Variants in SLC30A10 observed in about 807,000 individuals in gnomAD.
SLC30A10 encodes calcium/manganese antiporter SLC30A10.
A neutral mutation model predicts 21.7 loss-of-function variants in SLC30A10; 8 were observed. That is an observed-to-expected ratio of 0.37 (90% CI 0.22 to 0.67). SLC30A10 has a LOEUF of 0.67. Among genes scored for constraint, SLC30A10 ranks in the 30% least tolerant of loss-of-function variants. SLC30A10 has a pLI of 0.58. For synonymous variants in SLC30A10, 272 were observed against 279.4 expected (o/e 0.97, Z 0.26); for missense variants, 521 against 642.5 (o/e 0.81, Z 2.04).
intron 1 of SLC30A10, among the ~76,000 whole-genome samples, chr1:219,944,529 T>C (rs986702182): frequency 6.6e-6 from 1 of 152,160 alleles, no homozygotes; most frequent in Non-Finnish European, 1.5e-5. Context: ...GGAAAGAAAG[T>C]ATTTTATCTG....
intron 3 of SLC30A10, among the ~76,000 whole-genome samples, chr1:219,916,230 T>G (rs1038618448): frequency 6.6e-6 from 1 of 152,202 alleles, no homozygotes; most frequent in Admixed American, 6.5e-5. Context: ...GACACTTGAA[T>G]GAACTTCCCA....
At chr1:219,937,817 A>AG (rs1475457641) in intron 1 of SLC30A10, among the ~76,000 whole-genome samples, 1 of 152,154 alleles carries the variant, frequency 6.6e-6, no homozygotes, top group East Asian at 1.9e-4. Context: ...GTCTCAAAAA[A>AG]CTAGAATAAT....
intron 3 of SLC30A10, among the ~76,000 whole-genome samples, chr1:219,916,708 T>A (rs1158581080): frequency 6.6e-6 from 1 of 152,190 alleles, no homozygotes; most frequent in Non-Finnish European, 1.5e-5. Context: ...TGGTATTCAG[T>A]GCTGATTTGA....
chr1:219,919,901 T>G (rs1035805369), intron 2 of SLC30A10, among the ~76,000 whole-genome samples: 1 of 152,162 alleles, frequency 6.6e-6, no homozygotes, highest in Admixed American at 6.5e-5. Flanking sequence ...TCCACAGACT[T>G]ATGCAGTAGA....
At chr1:219,927,673 A>G in intron 1 of SLC30A10, 128 bp downstream of exon 1, 1 of 570,292 alleles carries the variant, frequency 1.8e-6, no homozygotes, top group Non-Finnish European at 2.3e-6. Context: ...AAAAAACAAC[A>G]ACAACAAAAA....
At chr1:219,944,508 G>A (rs2647442) in intron 1 of SLC30A10, among the ~76,000 whole-genome samples, 51,425 of 152,004 alleles carry the variant, frequency 0.34, 9,146 homozygotes, top group Non-Finnish European at 0.4. Context: ...AGCAGAAATG[G>A]GGAAGACAGA....
intron 2 of SLC30A10, among the ~76,000 whole-genome samples, chr1:219,924,808 T>C: frequency 6.6e-6 from 1 of 152,296 alleles, no homozygotes; most frequent in African/African-American, 2.4e-5. Flanking sequence ...ACTTTATATG[T>C]TTCATTTATT....
chr1:219,934,507 C>T lies in SLC30A10; in HGVS notation n.81-7402G>A, dbSNP rs577464079. Reference sequence around the variant, plus strand: ...AAGCATAGTTTGAAAGACAATAGTTCCACATATACAAAATATAGGAACCAA... The same window carrying T: ...AAGCATAGTTTGAAAGACAATAGTTTCACATATACAAAATATAGGAACCAA... On this transcript the variant is annotated intron_variant and non_coding_transcript_variant, in intron 1 of 8. Transcript: ENST00000484239. Among the ~76,000 whole-genome samples, 107 of 151,962 alleles carry T rather than the reference C, an allele frequency of 7.0e-4. No homozygotes were observed. The Middle Eastern group carries it at 0.017, about 24-fold the overall frequency.
chr1:219,915,415 C>T lies in SLC30A10; in HGVS notation c.*34G>A, dbSNP rs1415234662. ...AGCCAAGCTTGTGGTTCCAAAGTGC[C>T]TCGTCTATATGGTCTGATTATGTGA... On this transcript the variant is annotated 3_prime_UTR_variant, in exon 4 of 4. Transcript: ENST00000366926. 6.3e-7 allele frequency: 1 copy of T among 1,581,720 alleles called. No individual in the cohort carries two copies.
chr1:219,943,827 C>T (rs575037404), intron 1 of SLC30A10, among the ~76,000 whole-genome samples: 14 of 152,246 alleles, frequency 9.2e-5, no homozygotes, highest in East Asian at 5.8e-4. Context: ...AGGCCAGGCG[C>T]GGTGGCTCAC....
intron 2 of SLC30A10, among the ~76,000 whole-genome samples, chr1:219,922,176 GTTTTTTTTTT>G (rs869249213): frequency 0.066 from 2,397 of 36,460 alleles, 483 homozygotes; most frequent in South Asian, 0.1. Context: ...GTGTGTGTGT[GTTTTTTTTTT>G]TTTTTTTTTT....
chr1:219,935,533 G>A lies in SLC30A10; in HGVS notation n.81-8428C>T, dbSNP rs576941298. On this transcript the variant is annotated intron_variant and non_coding_transcript_variant, in intron 1 of 8. Transcript: ENST00000484239. ...CTAAAATCCAATCTTGCTTCTGTCA[G>A]CTCTTCGCAAGTGAGCAAGTCACTC... 2.0e-5 allele frequency among the ~76,000 whole-genome samples: 3 copies of A among 152,328 alleles called. No homozygotes were observed. The South Asian group carries it at 6.2e-4, about 32-fold the overall frequency.
chr1:219,916,682 T>C (rs1659551870), intron 3 of SLC30A10, among the ~76,000 whole-genome samples: 1 of 152,148 alleles, frequency 6.6e-6, no homozygotes, highest in African/African-American at 2.4e-5. Flanking sequence ...CCAAAATGAG[T>C]ATGTATTTAG....
chr1:219,918,562 G>A lies in SLC30A10; in HGVS notation c.719-68C>T, dbSNP rs746861011. The stretch of plus-strand genomic sequence containing the variant: ...AAGCCACGTGACACTCACTGACTTG[G>A]GTGTCCGGGTATATGAATATCTGTT... On this transcript the variant is annotated intron_variant, in intron 2 of 3. Transcript: ENST00000366926. This position sits in a 1 kb window ranked among gnomAD's most constrained non-coding sequence, Gnocchi z 4.4. 24 of 1,507,868 alleles carry A rather than the reference G, an allele frequency of 1.6e-5. No individual in the cohort carries two copies. The African/African-American group carries it at 1.7e-4, about 11-fold the overall frequency. 93.4% of individuals were successfully genotyped at this position (1,507,868 alleles called of 1,614,324 possible). A position where few individuals can be genotyped will look rare whatever the true frequency, so the allele number is the denominator to read the frequency against.
rs1236952119 is a variant in SLC30A10 at position 219,918,596 on chromosome 1, G to A, written c.719-102C>T. 1.4e-6 allele frequency: 2 copies of A among 1,459,990 alleles called. No individual in the cohort carries two copies. Among genetic ancestry groups the A allele is most frequent in the Non-Finnish European group, 1.8e-6 (2 of 1,100,692 alleles). The allele number at this position is 1,459,990 out of a possible 1,614,324, so 90.4% of individuals were successfully genotyped here. ...GTATATGAATATCTGTTACCATTTG[G>A]AGTTTTTTGGTTTTTGTTTTGGTTA... On this transcript the variant is annotated intron_variant, in intron 2 of 3. Transcript: ENST00000366926. This position sits in a 1 kb window ranked among gnomAD's most constrained non-coding sequence, Gnocchi z 4.4.
chr1:219,955,820 T>C (rs933189822), intron 1 of SLC30A10, among the ~76,000 whole-genome samples: 1 of 152,214 alleles, frequency 6.6e-6, no homozygotes, highest in African/African-American at 2.4e-5. Context: ...CCATGTGCTA[T>C]AAGCTAGGGT....
At position 219,915,856 on chromosome 1, in the gene SLC30A10, T is replaced by C. The variant is rs778946938; in HGVS notation, c.1051A>G (p.Ile351Val). 2 of 1,614,120 alleles carry C rather than the reference T, an allele frequency of 1.2e-6. No homozygotes were observed. The highest frequency in any genetic ancestry group is 2.2e-5 in the East Asian group (1 of 44,896). The change falls in exon 4 of 4, where the codon ATC becomes GTC. Residue 351 changes from isoleucine to valine, a missense_variant. By Grantham distance (29) the Ile-to-Val change is conservative (BLOSUM62 3). Transcript: ENST00000366926. ...VSGKIIATLHIKYPKDRGYQD... is the reference protein window; with the variant it reads ...VSGKIIATLHVKYPKDRGYQD... The stretch of plus-strand genomic sequence containing the variant: ...TATCCCCTGTCCTTAGGATACTTGA[T>C]GTGCAGGGTGGCAATAATCTTTCCA...
chr1:219,920,127 T>C (rs1389081562), intron 2 of SLC30A10, among the ~76,000 whole-genome samples: 1 of 152,128 alleles, frequency 6.6e-6, no homozygotes, highest in Non-Finnish European at 1.5e-5. Context: ...AGAATTCCCA[T>C]ATTTCCTTTT....
chr1:219,927,657 A>AC lies in SLC30A10; in HGVS notation c.640+143_640+144insG, dbSNP rs1394537587. 3.5e-4 allele frequency: 199 copies of AC among 570,316 alleles called. 3 individuals carry two copies. Among genetic ancestry groups the AC allele is most frequent in the South Asian group, 1.6e-3 (32 of 19,702 alleles). The allele number at this position is 570,316 out of a possible 1,614,324, so 35.3% of individuals were successfully genotyped here. A position where few individuals can be genotyped will look rare whatever the true frequency, so the allele number is the denominator to read the frequency against. ...ATTTATTAAAAAAAAAAAAAAAAAA[A>AC]AAAAAAAAAAACAACAACAACAAAA... On this transcript the variant is annotated intron_variant, in intron 1 of 3. Coordinates refer to ENST00000366926, the MANE Select transcript of SLC30A10 (RefSeq NM_018713.3).
Sources: allele counts gnomAD v4.1 joint callset (sites outside exome capture counted in the v4.1 genomes callset), GRCh38; gene constraint gnomAD v4.1.1; non-coding constraint Gnocchi (gnomAD v3.1); transcripts MANE v1.5; gene names NCBI Gene and HGNC (gene_info 2026-07-23, HGNC 2026-07-21).